ZDHHC7: variants seen among roughly 807,000 people sequenced by gnomAD.
ZDHHC7 encodes zDHHC palmitoyltransferase 7.
A neutral mutation model predicts 34.1 loss-of-function variants in ZDHHC7; 12 were observed. That is an observed-to-expected ratio of 0.35 (90% confidence interval 0.23 to 0.57). The LOEUF (loss-of-function observed/expected upper bound fraction) is 0.57. Among genes scored for constraint, ZDHHC7 ranks in the 20% least tolerant of loss-of-function variants. The pLI is 0.84. For synonymous variants in ZDHHC7, 185 were observed against 155.4 expected, an observed-to-expected ratio of 1.19 and a Z score of -1.42; for missense variants, 388 against 402.7, an observed-to-expected ratio of 0.96 and a Z score of 0.31.
rs543110602 is a variant in ZDHHC7, at chr16:85,009,709, C to CTT, written c.-104+1575_-104+1576dup. Among the ~76,000 whole-genome samples the CTT allele has an allele frequency of 4.6e-3, 578 of 126,598 alleles. 11 individuals are homozygous for CTT. Among genetic ancestry groups the CTT allele is most frequent in the Non-Finnish European group, 7.3e-3 (442 of 60,554 alleles). The allele number at this position is 126,598 out of a possible 152,430, so 83.1% of individuals were successfully genotyped here. A position where few individuals can be genotyped will look rare whatever the true frequency, so the allele number is the denominator to read the frequency against. On this transcript the variant is annotated intron_variant, in intron 1 of 7. Coordinates refer to ENST00000313732, the MANE Select transcript of ZDHHC7 (RefSeq NM_017740.3). ...CTTTAACCAAGTTCTGACTTTTTTTCTTTTTTTTTTTTTTTTTGAGACGGA... is the reference window on the plus strand; with the variant it reads ...CTTTAACCAAGTTCTGACTTTTTTTCTTTTTTTTTTTTTTTTTTTGAGACGGA...
chr16:85,013,800 G>A (rs2072823079), upstream of ZDHHC7, among the ~76,000 whole-genome samples: 1 of 152,068 alleles, frequency 6.6e-6, no homozygotes, highest in African/African-American at 2.4e-5. Flanking sequence ...CAATTCTCCT[G>A]CCTCAGCCTC....
the ZDHHC7 span, among the ~76,000 whole-genome samples, chr16:85,027,537 T>A: frequency 7.3e-4 from 111 of 151,958 alleles, no homozygotes; most frequent in South Asian, 2.5e-3. Flanking sequence ...CCTCCCAGAG[T>A]CCGAGAACAC....
At chr16:85,010,043 G>GA (rs2072770379) in intron 1 of ZDHHC7, among the ~76,000 whole-genome samples, 1 of 111,922 alleles carries the variant, frequency 8.9e-6, no homozygotes, top group African/African-American at 4.6e-5. Context: ...TTAACAAAGT[G>GA]ACTTTTTTTT....
chr16:84,989,913 G>A (rs1435325490), intron 3 of ZDHHC7, among the ~76,000 whole-genome samples: 1 of 152,104 alleles, frequency 6.6e-6, no homozygotes, highest in Non-Finnish European at 1.5e-5. Context: ...TGCAGCTGCT[G>A]GGCGTCTCCT....
chr16:85,008,689 G>C (rs1435141850), intron 1 of ZDHHC7, among the ~76,000 whole-genome samples: 1 of 151,884 alleles, frequency 6.6e-6, no homozygotes. Flanking sequence ...GACTAACTTT[G>C]GGAATAAGAT....
chr16:84,984,307 CA>C, intron 3 of ZDHHC7, among the ~76,000 whole-genome samples: 1 of 152,262 alleles, frequency 6.6e-6, no homozygotes, highest in South Asian at 2.1e-4. Flanking sequence ...AGGTATGAGC[CA>C]CCGTGCCTGG....
chr16:84,993,277 T>C (rs531641356), intron 2 of ZDHHC7, among the ~76,000 whole-genome samples: 244 of 152,022 alleles, frequency 1.6e-3, no homozygotes, highest in South Asian at 0.014. Context: ...GCCATGATCA[T>C]GCCACCGCGC....
In ZDHHC7 at chr16:84,982,660, CTT is replaced by C. The variant is rs1407084142; in HGVS notation, c.316-668_316-667del. Among the ~76,000 whole-genome samples, 3 of 152,244 alleles carry C rather than the reference CTT, an allele frequency of 2.0e-5. No homozygotes were observed. In the East Asian group the frequency reaches 5.8e-4, roughly 29 times the overall value. On this transcript the variant is annotated intron_variant, in intron 3 of 7. Coordinates refer to ENST00000313732, the MANE Select transcript of ZDHHC7 (RefSeq NM_017740.3). ...CTAAAGTGACATGATACTTTTGTCTCTTGGCCAACTTCCTCAAAGGCATTCAC... is the reference window on the plus strand; with the variant it reads ...CTAAAGTGACATGATACTTTTGTCTCGGCCAACTTCCTCAAAGGCATTCAC...
chr16:85,007,673 G>A (rs2072736140), intron 1 of ZDHHC7, among the ~76,000 whole-genome samples: 2 of 152,004 alleles, frequency 1.3e-5, no homozygotes, highest in Non-Finnish European at 2.9e-5. Context: ...AATGACTGAT[G>A]GATATTCGAA....
chr16:85,020,369 C>A, the ZDHHC7 span, among the ~76,000 whole-genome samples: 12 of 152,206 alleles, frequency 7.9e-5, no homozygotes, highest in African/African-American at 2.9e-4. Context: ...CAAAGCTAGG[C>A]AAAGCTCCTG....
At chr16:85,021,267 T>C in the ZDHHC7 span, among the ~76,000 whole-genome samples, 1 of 150,934 alleles carries the variant, frequency 6.6e-6, no homozygotes. Context: ...CAAAAATTAG[T>C]TGGGTGTGGT....
intron 2 of ZDHHC7, among the ~76,000 whole-genome samples, chr16:84,991,472 G>C (rs1349540208): frequency 1.3e-5 from 2 of 151,804 alleles, no homozygotes; most frequent in Non-Finnish European, 2.9e-5. Context: ...ATTTTTAGTA[G>C]AGATGGAGTT....
In ZDHHC7 at chr16:84,984,734, G is replaced by T. The variant is rs533673853; in HGVS notation, c.316-2740C>A. On this transcript the variant is annotated intron_variant, in intron 3 of 7. Transcript: ENST00000313732. Reference sequence around the variant, plus strand: ...TCAGAACCTTGGGCAGACAATCAGTGAAACTCTTCACGGGCATGGTGTCCT... The same window carrying T: ...TCAGAACCTTGGGCAGACAATCAGTTAAACTCTTCACGGGCATGGTGTCCT... 2.6e-5 allele frequency among the ~76,000 whole-genome samples: 4 copies of T among 152,266 alleles called. No individual in the cohort carries two copies. In the East Asian group the frequency reaches 7.7e-4, roughly 29 times the overall value.
At chr16:84,992,788 C>G (rs991334302) in intron 2 of ZDHHC7, among the ~76,000 whole-genome samples, 11 of 152,302 alleles carry the variant, frequency 7.2e-5, no homozygotes, top group Admixed American at 3.3e-4. Flanking sequence ...GGTCAGGTCA[C>G]TACAACTGAG....
Position 84,981,950 on chromosome 16 carries a change from G to T in ZDHHC7, c.360C>A (p.Ser120Arg), listed in dbSNP as rs760102499. Residue 120 changes from serine (S) to arginine (R), a missense_variant, in exon 4 of 8, where the codon AGC becomes AGA. Coordinates refer to ENST00000313732, the MANE Select transcript of ZDHHC7 (RefSeq NM_017740.3). ...KGNATKEYME[S>R]LQLKPGEVIY... ...TGACTTCCCCGGGCTTCAGCTGCAAGCTCTCCATGTATTCTTTCGTAGCGT... is the reference window on the plus strand; with the variant it reads ...TGACTTCCCCGGGCTTCAGCTGCAATCTCTCCATGTATTCTTTCGTAGCGT... 6.2e-7 allele frequency: 1 copy of T among 1,614,204 alleles called. No individual in the cohort carries two copies. Among genetic ancestry groups the T allele is most frequent in the African/African-American group, 1.3e-5 (1 of 75,064 alleles).
chr16:85,016,317 T>C (rs1372805563), upstream of ZDHHC7, among the ~76,000 whole-genome samples: 1 of 152,096 alleles, frequency 6.6e-6, no homozygotes, highest in Non-Finnish European at 1.5e-5. Context: ...CCAGCACACC[T>C]GGCCAAAAAT....
At chr16:84,999,760 G>T (rs180695386) in intron 1 of ZDHHC7, among the ~76,000 whole-genome samples, 1 of 152,140 alleles carries the variant, frequency 6.6e-6, no homozygotes, top group Non-Finnish European at 1.5e-5. Flanking sequence ...AGACATGCCT[G>T]TATCTTGAGA....
intron 1 of ZDHHC7, among the ~76,000 whole-genome samples, chr16:85,000,496 A>C (rs538824766): frequency 6.6e-6 from 1 of 152,230 alleles, no homozygotes; most frequent in Non-Finnish European, 1.5e-5. Context: ...GTGACTACAG[A>C]AAAGAACCAA....
intron 1 of ZDHHC7, among the ~76,000 whole-genome samples, chr16:85,010,263 C>G (rs2072773050): frequency 6.6e-6 from 1 of 152,044 alleles, no homozygotes; most frequent in African/African-American, 2.4e-5. Flanking sequence ...CTCAAGTGAT[C>G]CTCCTGCCTC....
Sources: gnomAD v4.1 joint callset for allele counts (sites outside exome capture counted in the v4.1 genomes callset) on GRCh38, gnomAD v4.1.1 for gene constraint, MANE v1.5 for transcripts, NCBI Gene and HGNC (gene_info 2026-07-23, HGNC 2026-07-21) for gene names.